The following DST variants were observed in gnomAD, a reference collection of about 807,000 sequenced individuals.
DST encodes dystonin.
Under a neutral mutation model 875.2 loss-of-function variants are expected in DST, and 253 were observed. That is an observed-to-expected ratio of 0.29 (90% CI 0.26 to 0.32). The LOEUF (loss-of-function observed/expected upper bound fraction) is 0.32, where lower values mean the gene tolerates loss of function less well. Ranked by LOEUF, DST falls within the 10% of genes least tolerant of loss-of-function variation. The pLI, the probability that DST is intolerant of heterozygous loss-of-function variation, is 1.00. For synonymous variants in DST, 3,124 were observed against 3,197.1 expected (o/e 0.98, Z 0.77); for missense variants, 8,287 against 9,111.6 (o/e 0.91, Z 3.68).
intron 4 of DST, among the ~76,000 whole-genome samples, chr6:56,816,148 C>T (rs1484792680): frequency 6.6e-6 from 1 of 152,152 alleles, no homozygotes; most frequent in African/African-American, 2.4e-5. Context: ...CTCCCTCAAT[C>T]TCATTAATAT....
intron 4 of DST, among the ~76,000 whole-genome samples, chr6:56,824,391 C>G (rs1431212519): frequency 6.6e-6 from 1 of 152,178 alleles, no homozygotes; most frequent in African/African-American, 2.4e-5. Flanking sequence ...CTTGGCCTCC[C>G]AAAGAGCCGA....
At chr6:56,799,548 C>T (rs563328405) in intron 4 of DST, among the ~76,000 whole-genome samples, 1 of 151,996 alleles carries the variant, frequency 6.6e-6, no homozygotes, top group South Asian at 2.1e-4. Context: ...AAGATTATGA[C>T]TCGCTGAAGG....
intron 49 of DST, among the ~76,000 whole-genome samples, chr6:56,582,369 T>C (rs943622281): frequency 2.0e-5 from 3 of 152,124 alleles, no homozygotes; most frequent in African/African-American, 7.2e-5. Context: ...CATTTAAAAG[T>C]ATGTAGCACT....
At chr6:56,717,108 G>A (rs979934412) in intron 5 of DST, among the ~76,000 whole-genome samples, 12 of 152,004 alleles carry the variant, frequency 7.9e-5, no homozygotes, top group South Asian at 2.1e-4. Context: ...GCGTGAACCC[G>A]GTAGGCAGAG....
intron 4 of DST, among the ~76,000 whole-genome samples, chr6:56,849,579 T>C (rs1763960656): frequency 6.6e-6 from 1 of 152,194 alleles, no homozygotes; most frequent in South Asian, 2.1e-4. Context: ...ACTAATAGCA[T>C]CAGCACCTTC....
At position 56,696,613 on chromosome 6, in the gene DST, C is replaced by T. The variant is rs1053833642; in HGVS notation, c.1047+3040G>A. ...CAGCCTCTAAATACACTGCTTCTAC[C>T]TCCCAACCCTTTTGGCTTGTTATTT... is the stretch of plus-strand genomic sequence containing the variant. On this transcript the variant is annotated intron_variant, in intron 9 of 103. Transcript: ENST00000680361. Among the ~76,000 whole-genome samples the T allele has an allele frequency of 1.4e-4, 21 of 152,150 alleles. 1 individual carries two copies. The highest frequency in any genetic ancestry group is 1.4e-3 in the Admixed American group (21 of 15,276).
At chr6:56,626,846 T>C (rs1189875296) in intron 34 of DST, among the ~76,000 whole-genome samples, 1 of 152,022 alleles carries the variant, frequency 6.6e-6, no homozygotes, top group Non-Finnish European at 1.5e-5. Flanking sequence ...AAGTTGTCAA[T>C]GACAACTTGA....
intron 31 of DST, 151 bp downstream of exon 31, chr6:56,630,094 C>G (rs2098765470): frequency 1.5e-6 from 1 of 658,518 alleles, no homozygotes; most frequent in Non-Finnish European, 2.6e-6. Flanking sequence ...ACTGAACATA[C>G]TTAGAGTAAA....
At chr6:56,898,159 G>C (rs766162390) in intron 3 of DST, among the ~76,000 whole-genome samples, 44 of 152,002 alleles carry the variant, frequency 2.9e-4, no homozygotes, top group Non-Finnish European at 6.0e-4. Context: ...TTTTTTGCTG[G>C]GGTAGCTGCT....
intron 2 of DST, among the ~76,000 whole-genome samples, chr6:56,935,770 C>T (rs933083898): frequency 6.6e-6 from 1 of 151,938 alleles, no homozygotes; most frequent in African/African-American, 2.4e-5. Context: ...TACTAAAATA[C>T]AAAAATTAGC....
intron 3 of DST, among the ~76,000 whole-genome samples, chr6:56,875,205 C>T (rs1779132248): frequency 6.6e-6 from 1 of 151,970 alleles, no homozygotes; most frequent in African/African-American, 2.4e-5. Flanking sequence ...AGGATGGTCT[C>T]GATCTCCTGG....
intron 49 of DST, among the ~76,000 whole-genome samples, chr6:56,589,647 AC>A (rs1303302984): frequency 1.3e-5 from 2 of 152,194 alleles, no homozygotes; most frequent in Non-Finnish European, 2.9e-5. Flanking sequence ...CTGGTTCCAC[AC>A]CCAGGCCTTG....
chr6:56,656,348 G>T (rs763835458), intron 10 of DST, among the ~76,000 whole-genome samples: 5 of 152,244 alleles, frequency 3.3e-5, no homozygotes, highest in Non-Finnish European at 5.9e-5. Context: ...CTGCTTCTAG[G>T]TTCTCCTCCC....
intron 53 of DST, 82 bp from the exon 54 acceptor site, chr6:56,570,094 A>C: frequency 9.5e-7 from 1 of 1,050,352 alleles, no homozygotes; most frequent in Non-Finnish European, 1.3e-6. Flanking sequence ...CACAATGTTA[A>C]GAAACCATCT....
rs1198127456 is a variant in DST at position 56,535,283 on chromosome 6, G to A, written c.16780C>T (p.Arg5594Ter). The A allele has an allele frequency of 6.4e-7, 1 of 1,570,102 alleles. No homozygotes were observed. The highest frequency in any genetic ancestry group is 2.1e-5 in the Admixed American group (1 of 47,414). The change falls in exon 63 of 104, where the codon CGA (arginine) becomes TGA (stop). Residue 5594 changes from arginine to a stop codon, truncating the protein, a stop_gained. Transcript: ENST00000680361. LOFTEE classifies it high-confidence loss of function. ...WKTLNKKVAQRAAQLQEALLH... is the reference protein window; with the variant it reads ...WKTLNKKVAQ ...AAGGCCTCCTGCAGCTGGGCTGCTCGCTGAGCCACCTGCAAAGTGCCAATT... is the reference window on the plus strand; with the variant it reads ...AAGGCCTCCTGCAGCTGGGCTGCTCACTGAGCCACCTGCAAAGTGCCAATT...
chr6:56,497,801 T>A, intron 81 of DST, 55 bp downstream of exon 81: 20 of 1,426,294 alleles, frequency 1.4e-5, no homozygotes, highest in Non-Finnish European at 1.3e-5. Context: ...AAGAATTCCA[T>A]GCTATTTTGG....
At position 56,605,017 on chromosome 6, in the gene DST, G is replaced by A. The variant is rs1586380459; in HGVS notation, c.9611C>T (p.Pro3204Leu). 3 of 1,612,718 alleles carry A rather than the reference G, an allele frequency of 1.9e-6. No homozygotes were observed. Among genetic ancestry groups the A allele is most frequent in the South Asian group, 1.1e-5 (1 of 91,052 alleles). Residue 3204 changes from proline to leucine, a missense_variant, in exon 40 of 104, where the codon CCA becomes CTA. Coordinates refer to ENST00000680361, the MANE Select transcript of DST (RefSeq NM_001374736.1). ...KDVAKPNEDV[P>L]SHVLITAPPM... Reference sequence around the variant, plus strand: ...AGGGGCAGTTATTAAAACATGGCTTGGGACATCTTCATTTGGTTTGGCTAC... The same window carrying A: ...AGGGGCAGTTATTAAAACATGGCTTAGGACATCTTCATTTGGTTTGGCTAC...
Position 56,527,713 on chromosome 6 carries a change from T to C in DST, c.17702A>G (p.Gln5901Arg), listed in dbSNP as rs774583907. Residue 5901 changes from glutamine to arginine, a missense_variant, in exon 68 of 104, where the codon CAA becomes CGA. By Grantham distance (43) the Gln-to-Arg change is conservative. Transcript: ENST00000680361. ...TGCTTTAATGGCTTCCAATTTATCT[T>C]GAATTATTAAAACTTCATCACCTAA... ...QTTGDEVLIIQDKLEAIKARY... is the reference protein window; with the variant it reads ...QTTGDEVLIIRDKLEAIKARY... The C allele has an allele frequency of 1.2e-6, 2 of 1,603,458 alleles. No homozygotes were observed. The highest frequency in any genetic ancestry group is 2.3e-5 in the South Asian group (2 of 88,320).
rs541341690 is a variant in DST at position 56,950,117 on chromosome 6, G to A, written c.216+3668C>T. ...TTCAACACCAGAGGACAGACAATAC[G>A]TAGCCAGATAATTCTTGTGTTACTC... is the stretch of plus-strand genomic sequence containing the variant. On this transcript the variant is annotated intron_variant, in intron 2 of 103. Coordinates refer to ENST00000680361, the MANE Select transcript of DST (RefSeq NM_001374736.1). Among the ~76,000 whole-genome samples, 6 of 152,308 alleles carry A rather than the reference G, an allele frequency of 3.9e-5. No individual in the cohort carries two copies. The South Asian group carries it at 1.0e-3, about 26-fold the overall frequency.
Sources: allele counts gnomAD v4.1 joint callset (sites outside exome capture counted in the v4.1 genomes callset), GRCh38; gene constraint gnomAD v4.1.1; transcripts MANE v1.5; gene names NCBI Gene and HGNC (gene_info 2026-07-23, HGNC 2026-07-21).